Variants in CSGALNACT1 observed in about 807,000 individuals in gnomAD.
CSGALNACT1 encodes chondroitin sulfate N-acetylgalactosaminyltransferase 1, also known as beta4GalNAcT-1.
In CSGALNACT1, 52 loss-of-function variants were observed where a neutral mutation model predicts 51.0. The observed-to-expected ratio is 1.02, with a 90% CI of 0.82 to 1.29. The LOEUF is 1.29. CSGALNACT1 is among the 50% of genes most tolerant of loss of function. The pLI is 0.00. For synonymous variants in CSGALNACT1, 341 were observed against 254.4 expected (o/e 1.34, Z -3.24); for missense variants, 935 against 679.2 (o/e 1.38, Z -4.19).
At chr8:19,649,216 GATC>G (rs2057550620) in intron 1 of CSGALNACT1, among the ~76,000 whole-genome samples, 1 of 152,158 alleles carries the variant, frequency 6.6e-6, no homozygotes, top group African/African-American at 2.4e-5. Flanking sequence ...ACTTGCCCAG[GATC>G]ACAAAGTTGG....
At chr8:19,715,476 T>A (rs2062753007) in intron 1 of CSGALNACT1, among the ~76,000 whole-genome samples, 1 of 152,240 alleles carries the variant, frequency 6.6e-6, no homozygotes, top group Non-Finnish European at 1.5e-5. Context: ...TTTTTATGGC[T>A]GCATAGTATT....
At chr8:19,571,279 T>A (rs1028011051) in intron 3 of CSGALNACT1, among the ~76,000 whole-genome samples, 2 of 152,106 alleles carry the variant, frequency 1.3e-5, no homozygotes, top group Non-Finnish European at 2.9e-5. Flanking sequence ...GTATCCGATA[T>A]AACTAAGACA....
At chr8:19,636,258 T>C (rs1412069835) in intron 1 of CSGALNACT1, among the ~76,000 whole-genome samples, 2 of 152,190 alleles carry the variant, frequency 1.3e-5, no homozygotes, top group Non-Finnish European at 2.9e-5. Context: ...ACTATTCCAT[T>C]TTATTATTGG....
intron 3 of CSGALNACT1, among the ~76,000 whole-genome samples, chr8:19,568,139 T>C (rs1162341375): frequency 2.6e-5 from 4 of 152,216 alleles, no homozygotes; most frequent in African/African-American, 9.6e-5. Flanking sequence ...ACAATGGGAA[T>C]ACATTCTGAG....
chr8:19,629,733 A>G (rs2054954083), intron 1 of CSGALNACT1, among the ~76,000 whole-genome samples: 1 of 152,188 alleles, frequency 6.6e-6, no homozygotes, highest in Admixed American at 6.5e-5. Flanking sequence ...CTGATTTGAC[A>G]TCAGCTCCAA....
At chr8:19,647,241 T>C (rs1481567896) in intron 1 of CSGALNACT1, among the ~76,000 whole-genome samples, 1 of 152,124 alleles carries the variant, frequency 6.6e-6, no homozygotes, top group Non-Finnish European at 1.5e-5. Flanking sequence ...CCTGATTTTA[T>C]ACCCCAGTGA....
intron 6 of CSGALNACT1, among the ~76,000 whole-genome samples, chr8:19,438,846 C>G (rs1339290588): frequency 6.6e-6 from 1 of 152,178 alleles, no homozygotes; most frequent in African/African-American, 2.4e-5. Flanking sequence ...CCCATTAATA[C>G]AAAACTAGTA....
chr8:19,555,467 T>A (rs2089486578), intron 3 of CSGALNACT1, among the ~76,000 whole-genome samples: 1 of 152,134 alleles, frequency 6.6e-6, no homozygotes, highest in Admixed American at 6.6e-5. Context: ...ACTCCCAAAC[T>A]TTTCGAGATT....
intron 1 of CSGALNACT1, among the ~76,000 whole-genome samples, chr8:19,634,057 A>G (rs2055677748): frequency 6.6e-6 from 1 of 152,180 alleles, no homozygotes; most frequent in African/African-American, 2.4e-5. Context: ...GGGACTTGGG[A>G]GTTTGTTTGG....
chr8:19,750,467 G>A (rs891612833), intron 1 of CSGALNACT1, among the ~76,000 whole-genome samples: 4 of 152,202 alleles, frequency 2.6e-5, no homozygotes, highest in African/African-American at 9.7e-5. Context: ...AGACAGATGA[G>A]AAGAAGAAAA....
intron 1 of CSGALNACT1, among the ~76,000 whole-genome samples, chr8:19,651,606 A>T (rs1449741741): frequency 6.6e-6 from 1 of 151,136 alleles, no homozygotes. Flanking sequence ...TGTTTTTTTT[A>T]TGGATGCACT....
At chr8:19,635,665 A>G (rs951445292) in intron 1 of CSGALNACT1, among the ~76,000 whole-genome samples, 1 of 152,270 alleles carries the variant, frequency 6.6e-6, no homozygotes, top group East Asian at 1.9e-4. Context: ...GGATGGGCAG[A>G]GGGACACAGT....
chr8:19,411,990 C>A (rs2055861823), intron 8 of CSGALNACT1, among the ~76,000 whole-genome samples: 1 of 152,086 alleles, frequency 6.6e-6, no homozygotes, highest in African/African-American at 2.4e-5. Context: ...ACCACCATGC[C>A]CGGCTACATT....
chr8:19,528,087 T>C lies in CSGALNACT1; in HGVS notation c.-296-21957A>G, dbSNP rs561196285. 7.8e-4 allele frequency among the ~76,000 whole-genome samples: 119 copies of C among 152,230 alleles called. 1 individual carries two copies. Among genetic ancestry groups the C allele is most frequent in the Non-Finnish European group, 1.5e-3 (102 of 67,996 alleles). ...CTTCTGGAGATGACCCACATTGTTA[T>C]GAACTTGGGGGCTGAGGCTCTGCCT... On this transcript the variant is annotated intron_variant, in intron 3 of 9. Coordinates refer to ENST00000454498, the Ensembl canonical transcript of CSGALNACT1.
intron 4 of CSGALNACT1, among the ~76,000 whole-genome samples, chr8:19,466,250 A>G (rs376374386): frequency 8.8e-4 from 134 of 152,386 alleles, no homozygotes; most frequent in African/African-American, 3.1e-3. Flanking sequence ...ACCAACTGAC[A>G]GAAGGGAGAG....
chr8:19,465,407 T>A (rs571340654), intron 4 of CSGALNACT1, among the ~76,000 whole-genome samples: 1 of 152,110 alleles, frequency 6.6e-6, no homozygotes, highest in Non-Finnish European at 1.5e-5. Context: ...ATGAAAGTAC[T>A]CTGAAGATGG....
At chr8:19,433,485 T>C (rs543035176) in intron 6 of CSGALNACT1, among the ~76,000 whole-genome samples, 1 of 152,356 alleles carries the variant, frequency 6.6e-6, no homozygotes, top group East Asian at 1.9e-4. Context: ...GATTAGTCTA[T>C]TGTTTGCCCC....
At chr8:19,679,277 C>A (rs1318404116) in intron 1 of CSGALNACT1, among the ~76,000 whole-genome samples, 3 of 151,884 alleles carry the variant, frequency 2.0e-5, no homozygotes, top group African/African-American at 4.8e-5. Context: ...ACATGATAAA[C>A]CCCCGTTTCT....
intron 5 of CSGALNACT1, among the ~76,000 whole-genome samples, chr8:19,449,677 A>C (rs1385178467): frequency 6.6e-6 from 1 of 152,230 alleles, no homozygotes; most frequent in Non-Finnish European, 1.5e-5. Flanking sequence ...AAATATCATA[A>C]ATGTTAGAAA....
Sources: gnomAD v4.1 joint callset for allele counts (sites outside exome capture counted in the v4.1 genomes callset) on GRCh38, gnomAD v4.1.1 for gene constraint, MANE v1.5 for transcripts, NCBI Gene and HGNC (gene_info 2026-07-23, HGNC 2026-07-21) for gene names.